The following VCL variants were observed in gnomAD, a reference collection of about 807,000 sequenced individuals.
VCL encodes epididymis luminal protein 114.
VCL carries 47 observed loss-of-function variants against 125.7 expected under a neutral mutation model. That is an observed-to-expected ratio of 0.37 (90% CI 0.30 to 0.48). The LOEUF is 0.48. VCL is among the 20% of genes least tolerant of loss of function. The pLI is 0.99. For missense variants in VCL, 1,069 were observed against 1,455.5 expected (o/e 0.73, Z 4.32); for synonymous variants, 458 against 514.6 (o/e 0.89, Z 1.49).
At position 74,071,110 on chromosome 10, in the gene VCL, T is replaced by G; in HGVS notation, c.499+27T>G. On this transcript the variant is annotated intron_variant, in intron 4 of 21. Coordinates refer to ENST00000211998, the MANE Select transcript of VCL (RefSeq NM_014000.3). The surrounding 1 kb of genome is among the most constrained non-coding windows in gnomAD (Gnocchi z 4.1). The stretch of plus-strand genomic sequence containing the variant: ...TTAGTTTTATCCAATTTCTATAACA[T>G]TTTTTAAGGATTGTCCATGTTGGAG... The G allele has an allele frequency of 6.2e-7, 1 of 1,604,194 alleles. No homozygotes were observed. The highest frequency in any genetic ancestry group is 8.5e-7 in the Non-Finnish European group (1 of 1,171,072).
intron 2 of VCL, among the ~76,000 whole-genome samples, chr10:74,066,560 G>GA (rs1426458608): frequency 6.6e-6 from 1 of 151,914 alleles, no homozygotes; most frequent in Non-Finnish European, 1.5e-5. Flanking sequence ...AAAGTATAAA[G>GA]AAAATCAAGA....
intron 8 of VCL, among the ~76,000 whole-genome samples, chr10:74,085,981 C>T (rs1839763252): frequency 6.6e-6 from 1 of 152,174 alleles, no homozygotes; most frequent in South Asian, 2.1e-4. Context: ...CATTCTCCTG[C>T]CTCAGCCTCT....
At position 74,074,859 on chromosome 10, in the gene VCL, G is replaced by T; in HGVS notation, c.739G>T (p.Val247Leu). Residue 247 changes from valine to leucine, a missense_variant, in exon 6 of 22, where the codon GTG (valine) becomes TTG (leucine). Around this residue, in one of 6 missense-constraint regions of VCL, gnomAD observed 760 missense variants for 928.9 expected, o/e 0.82. Coordinates refer to ENST00000211998, the MANE Select transcript of VCL (RefSeq NM_014000.3). Reference protein sequence around the residue: ...MSAEINEIIRVLQLTSWDEDA... With the variant: ...MSAEINEIIRLLQLTSWDEDA... Reference sequence around the variant, plus strand: ...TGCTGAAATTAATGAGATAATTCGTGTGTTACAACTCACCTCTTGGGATGA... The same window carrying T: ...TGCTGAAATTAATGAGATAATTCGTTTGTTACAACTCACCTCTTGGGATGA... The T allele has an allele frequency of 1.2e-6, 2 of 1,614,114 alleles. No homozygotes were observed. Among genetic ancestry groups the T allele is most frequent in the Non-Finnish European group, 1.7e-6 (2 of 1,180,020 alleles).
chr10:74,025,034 T>C (rs1348709277), intron 1 of VCL, among the ~76,000 whole-genome samples: 1 of 152,202 alleles, frequency 6.6e-6, no homozygotes, highest in Non-Finnish European at 1.5e-5. Context: ...TTTTATTTTA[T>C]TACTTTTTTG....
intron 21 of VCL, 115 bp from the exon 22 acceptor site, chr10:74,117,908 G>A (rs1840334652): frequency 6.9e-7 from 1 of 1,444,678 alleles, no homozygotes; most frequent in Non-Finnish European, 9.7e-7. Flanking sequence ...AAGCAAATAT[G>A]GGGGATGCCA....
At position 74,089,292 on chromosome 10, in the gene VCL, G is replaced by C; in HGVS notation, c.1119G>C (p.Lys373Asn). The change falls in exon 9 of 22, where the codon AAG becomes AAC. Residue 373 changes from lysine (K) to asparagine (N), a missense_variant. Coordinates refer to ENST00000211998, the MANE Select transcript of VCL (RefSeq NM_014000.3). ...LTAKVENAAR[K>N]LEAMTNSKQS... ...CAAAAGTGGAAAATGCAGCTCGCAA[G>C]CTGGAAGCCATGACCAACTCAAAGC... is the stretch of plus-strand genomic sequence containing the variant. 6.2e-7 allele frequency: 1 copy of C among 1,614,182 alleles called. No individual in the cohort carries two copies. The highest frequency in any genetic ancestry group is 8.5e-7 in the Non-Finnish European group (1 of 1,180,040).
Position 74,097,798 on chromosome 10 carries a change from C to T in VCL, c.1872+466C>T, listed in dbSNP as rs2131919039. Among the ~76,000 whole-genome samples, 1 of 152,252 alleles carries T rather than the reference C, an allele frequency of 6.6e-6. No homozygotes were observed. The highest frequency in any genetic ancestry group is 2.4e-5 in the African/African-American group (1 of 41,546). ...TAAATCAATCGATGTCATTCTTATA[C>T]TCAGACCCTTCCAATGACTCCCCGC... On this transcript the variant is annotated intron_variant, in intron 13 of 21. Transcript: ENST00000211998. This position sits in a 1 kb window ranked among gnomAD's most constrained non-coding sequence, Gnocchi z 4.1.
chr10:74,069,837 T>C (rs1384644738), intron 2 of VCL, among the ~76,000 whole-genome samples: 2 of 152,184 alleles, frequency 1.3e-5, no homozygotes, highest in Non-Finnish European at 2.9e-5. Flanking sequence ...TGTATGCATT[T>C]TGGGTTCCTC....
rs1564537251 is a variant in VCL at position 74,119,081 on chromosome 10, T to TATCA, written c.*913_*916dup. On this transcript the variant is annotated 3_prime_UTR_variant, in exon 22 of 22. Coordinates refer to ENST00000211998, the MANE Select transcript of VCL (RefSeq NM_014000.3). ...CCTGCAGAGGTCTGTGCTGAGGCCT[T>TATCA]ATCATTCATTCTTAGCTCTTAATTG... is the stretch of plus-strand genomic sequence containing the variant. The TATCA allele has an allele frequency of 6.6e-6, 1 of 152,666 alleles. No individual in the cohort carries two copies. The highest frequency in any genetic ancestry group is 2.4e-5 in the African/African-American group (1 of 41,464). 9.5% of individuals were successfully genotyped at this position (152,666 alleles called of 1,614,324 possible). A position where few individuals can be genotyped will look rare whatever the true frequency, so the allele number is the denominator to read the frequency against.
At position 73,998,178 on chromosome 10, in the gene VCL, C is replaced by T. The variant is rs1456967367; in HGVS notation, c.-30C>T. The T allele has an allele frequency of 1.2e-6, 2 of 1,607,856 alleles. No homozygotes were observed. Among genetic ancestry groups the T allele is most frequent in the South Asian group, 2.2e-5 (2 of 90,090 alleles). On this transcript the variant is annotated 5_prime_UTR_variant, in exon 1 of 22. Transcript: ENST00000211998. The stretch of plus-strand genomic sequence containing the variant: ...CCCGTGGATCCTACTTCTCTGTCGC[C>T]CGCGGTTCGCCGCCCCGCTCGCCGC...
intron 1 of VCL, among the ~76,000 whole-genome samples, chr10:74,020,667 C>G (rs948917528): frequency 6.6e-6 from 1 of 151,660 alleles, no homozygotes; most frequent in Non-Finnish European, 1.5e-5. Flanking sequence ...ATGGCGAAAC[C>G]CTGTCTCTAC....
Position 74,071,758 on chromosome 10 carries a change from G to T in VCL, c.499+675G>T, listed in dbSNP as rs117791809. ...TTTATAAAATTCATTTGTTTTATGT[G>T]AAATGTTGATTTTTAATTAACAGCA... On this transcript the variant is annotated intron_variant, in intron 4 of 21. Transcript: ENST00000211998. The surrounding 1 kb of genome is among the most constrained non-coding windows in gnomAD (Gnocchi z 4.1). Among the ~76,000 whole-genome samples, 2,628 of 152,248 alleles carry T rather than the reference G, an allele frequency of 0.017. 37 individuals carry two copies. The highest frequency in any genetic ancestry group is 0.026 in the Non-Finnish European group (1,787 of 68,016).
rs139111479 is a variant in VCL at position 74,051,892 on chromosome 10, A to ACAG, written c.239+8761_239+8763dup. 6.2e-3 allele frequency among the ~76,000 whole-genome samples: 934 copies of ACAG among 151,702 alleles called. 6 individuals are homozygous for ACAG. The highest frequency in any genetic ancestry group is 0.01 in the Non-Finnish European group (706 of 67,798). ...GCAACTTTTATTGAAGCAGCAGTGT[A>ACAG]CAGCAGCAGCAGCAGCAGCAGCAGA... On this transcript the variant is annotated intron_variant, in intron 2 of 21. Coordinates refer to ENST00000211998, the MANE Select transcript of VCL (RefSeq NM_014000.3).
At chr10:74,116,644 C>T (rs2131942587) in intron 21 of VCL, among the ~76,000 whole-genome samples, 1 of 151,378 alleles carries the variant, frequency 6.6e-6, no homozygotes, top group Middle Eastern at 3.4e-3. Context: ...CGAGATCGTG[C>T]CATTGCACTC....
rs867628561 is a variant in VCL at position 74,120,036 on chromosome 10, T to G, written c.*1867T>G. 12 of 145,076 alleles carry G rather than the reference T, an allele frequency of 8.3e-5. No individual in the cohort carries two copies. The highest frequency in any genetic ancestry group is 1.1e-4 in the Non-Finnish European group (7 of 65,770). The allele number at this position is 145,076 out of a possible 1,614,324, so 9.0% of individuals were successfully genotyped here. A position where few individuals can be genotyped will look rare whatever the true frequency, so the allele number is the denominator to read the frequency against. ...TAAAAAAAAAAAAAAAAAAAATCCC[T>G]GAATGATGATTAGAGACATCACCGC... On this transcript the variant is annotated 3_prime_UTR_variant, in exon 22 of 22. Coordinates refer to ENST00000211998, the MANE Select transcript of VCL (RefSeq NM_014000.3).
intron 1 of VCL, among the ~76,000 whole-genome samples, chr10:74,010,684 A>G (rs1279225083): frequency 6.6e-6 from 1 of 152,002 alleles, no homozygotes; most frequent in Non-Finnish European, 1.5e-5. Flanking sequence ...ACCCATCTCT[A>G]GTTCACTTTC....
chr10:74,054,989 T>G (rs930401629), intron 2 of VCL, among the ~76,000 whole-genome samples: 3 of 151,958 alleles, frequency 2.0e-5, no homozygotes, highest in African/African-American at 7.3e-5. Flanking sequence ...ATTTCTTGAT[T>G]AAGAAATGCA....
chr10:74,102,959 G>A (rs563847011), intron 14 of VCL, among the ~76,000 whole-genome samples: 10 of 151,850 alleles, frequency 6.6e-5, no homozygotes, highest in African/African-American at 2.2e-4. Context: ...CTCCGCCTCC[G>A]GGGTTCAAGC....
At position 73,998,180 on chromosome 10, in the gene VCL, G is replaced by GCGGTTCGCCGCC. The variant is rs1555112601; in HGVS notation, c.-26_-15dup. 1.2e-6 allele frequency: 2 copies of GCGGTTCGCCGCC among 1,608,222 alleles called. No homozygotes were observed. The highest frequency in any genetic ancestry group is 1.7e-6 in the Non-Finnish European group (2 of 1,177,534). On this transcript the variant is annotated 5_prime_UTR_variant, in exon 1 of 22. Transcript: ENST00000211998. ...CGTGGATCCTACTTCTCTGTCGCCC[G>GCGGTTCGCCGCC]CGGTTCGCCGCCCCGCTCGCCGCCG...
Sources: allele counts gnomAD v4.1 joint callset (sites outside exome capture counted in the v4.1 genomes callset), GRCh38; gene constraint gnomAD v4.1.1; regional missense constraint gnomAD v4.1.1; non-coding constraint Gnocchi (gnomAD v3.1); transcripts MANE v1.5; gene names NCBI Gene and HGNC (gene_info 2026-07-23, HGNC 2026-07-21).